Variants in ROBO1 observed in about 807,000 individuals in gnomAD.
The protein encoded by ROBO1 is roundabout guidance receptor 1.
In ROBO1, 149 loss-of-function variants were observed where a neutral mutation model predicts 195.9. The observed-to-expected ratio is 0.76, with a 90% CI of 0.67 to 0.87. ROBO1 has a LOEUF of 0.87. Among genes scored for constraint, ROBO1 ranks in the 40% least tolerant of loss-of-function variants. ROBO1 has a pLI of 0.00. For synonymous variants in ROBO1, 816 were observed against 733.2 expected, an observed-to-expected ratio of 1.11 and a Z score of -1.82; for missense variants, 1,933 against 2,068.3, an observed-to-expected ratio of 0.93 and a Z score of 1.27.
intron 2 of ROBO1, among the ~76,000 whole-genome samples, chr3:79,294,918 G>C (rs1377448050): frequency 6.6e-6 from 1 of 152,204 alleles, no homozygotes; most frequent in Non-Finnish European, 1.5e-5. Context: ...ACGCCAGTTA[G>C]AATGGCGATC....
chr3:79,116,399 T>C, intron 3 of ROBO1, among the ~76,000 whole-genome samples: 1 of 150,542 alleles, frequency 6.6e-6, no homozygotes, highest in Non-Finnish European at 1.5e-5. Flanking sequence ...CCTTCCTTCC[T>C]TGCTTCCTTC....
intron 1 of ROBO1, among the ~76,000 whole-genome samples, chr3:79,705,207 A>T (rs1012620283): frequency 6.6e-6 from 1 of 152,008 alleles, no homozygotes; most frequent in Non-Finnish European, 1.5e-5. Context: ...AATCCAGCTT[A>T]TCAATTCTTT....
intron 3 of ROBO1, among the ~76,000 whole-genome samples, chr3:79,123,779 T>C (rs1284432804): frequency 6.6e-6 from 1 of 152,030 alleles, no homozygotes; most frequent in Non-Finnish European, 1.5e-5. Context: ...TTTCCTCATG[T>C]TAATTTATCT....
At chr3:79,140,116 A>G (rs990731197) in intron 2 of ROBO1, among the ~76,000 whole-genome samples, 5 of 152,258 alleles carry the variant, frequency 3.3e-5, no homozygotes. Flanking sequence ...GATCTTAAGT[A>G]AAAACTGAGA....
chr3:79,107,127 T>TCACA (rs369021063), intron 3 of ROBO1, among the ~76,000 whole-genome samples: 5,905 of 136,436 alleles, frequency 0.043, 209 homozygotes, highest in African/African-American at 0.095. Flanking sequence ...TCTCTCTCTC[T>TCACA]CACACACACA....
chr3:79,089,957 TAA>T (rs2079446375), intron 3 of ROBO1, among the ~76,000 whole-genome samples: 1 of 151,696 alleles, frequency 6.6e-6, no homozygotes, highest in African/African-American at 2.4e-5. Context: ...TTTTTTTTTT[TAA>T]GACGGAGTCT....
At chr3:79,333,205 T>TAA (rs72117935) in intron 2 of ROBO1, among the ~76,000 whole-genome samples, 28 of 130,310 alleles carry the variant, frequency 2.1e-4, no homozygotes, top group African/African-American at 6.2e-4. Flanking sequence ...AGACTCTGTC[T>TAA]AAAAAAAAAA....
At chr3:79,136,527 A>C (rs1182585273) in intron 2 of ROBO1, among the ~76,000 whole-genome samples, 1 of 152,154 alleles carries the variant, frequency 6.6e-6, no homozygotes, top group East Asian at 1.9e-4. Flanking sequence ...TACAAATTGG[A>C]TCAATTCTCA....
At chr3:79,713,352 G>A (rs544681336) in intron 1 of ROBO1, among the ~76,000 whole-genome samples, 129 of 152,118 alleles carry the variant, frequency 8.5e-4, no homozygotes, top group African/African-American at 3.1e-3. Flanking sequence ...ATGTGGGCAA[G>A]GTAAATTGAA....
In ROBO1 at chr3:79,319,326, G is replaced by A. The variant is rs1174645121; in HGVS notation, c.89-193787C>T. On this transcript the variant is annotated intron_variant, in intron 2 of 30. Coordinates refer to ENST00000464233, the MANE Select transcript of ROBO1 (RefSeq NM_002941.4). ...CCCTGATAATATTGATTAACATATTGTCTTAAATATTGTCTTAAATATGTT... is the reference window on the plus strand; with the variant it reads ...CCCTGATAATATTGATTAACATATTATCTTAAATATTGTCTTAAATATGTT... 3.3e-5 allele frequency among the ~76,000 whole-genome samples: 5 copies of A among 152,124 alleles called. No homozygotes were observed. In the South Asian group the frequency reaches 8.3e-4, roughly 25 times the overall value.
At chr3:78,693,221 C>G (rs1355329476) in intron 8 of ROBO1, 1 of 1,283,422 alleles carries the variant, frequency 7.8e-7, no homozygotes, top group Admixed American at 2.6e-5. Context: ...TCTTTGTGGC[C>G]AATGACAAGT....
rs567568668 is a variant in ROBO1, at chr3:79,691,339, ACT to A, written c.-51+76411_-51+76412del. 3.3e-5 allele frequency among the ~76,000 whole-genome samples: 5 copies of A among 151,750 alleles called. 1 individual carries two copies. In the South Asian group the frequency reaches 8.3e-4, roughly 25 times the overall value. Reference sequence around the variant, plus strand: ...CAAAGAAGAAAAAGCAAGAAGACTAACTCTTCAAAATTTATGAGAGAAACAAT... The same window carrying A: ...CAAAGAAGAAAAAGCAAGAAGACTAACTTCAAAATTTATGAGAGAAACAAT... On this transcript the variant is annotated intron_variant, in intron 1 of 30. Transcript: ENST00000464233.
At chr3:79,603,392 C>T (rs1018802126) in intron 1 of ROBO1, among the ~76,000 whole-genome samples, 1 of 151,956 alleles carries the variant, frequency 6.6e-6, no homozygotes, top group Non-Finnish European at 1.5e-5. Flanking sequence ...AACAATACCC[C>T]CCACAGCCCT....
intron 2 of ROBO1, among the ~76,000 whole-genome samples, chr3:79,214,744 A>G (rs994069245): frequency 2.0e-5 from 3 of 148,654 alleles, no homozygotes; most frequent in African/African-American, 7.3e-5. Flanking sequence ...ATATATATAT[A>G]TAGCATGTAT....
chr3:79,003,051 T>A (rs2077541167), intron 3 of ROBO1, among the ~76,000 whole-genome samples: 1 of 152,200 alleles, frequency 6.6e-6, no homozygotes, highest in Admixed American at 6.5e-5. Flanking sequence ...GTAAATCTCT[T>A]AATCCTCTTA....
intron 2 of ROBO1, among the ~76,000 whole-genome samples, chr3:79,390,315 A>C (rs902676018): frequency 9.9e-5 from 15 of 152,092 alleles, no homozygotes; most frequent in Non-Finnish European, 1.9e-4. Context: ...AGGAAAAAAA[A>C]ATCCAGAGCT....
At chr3:79,386,581 T>C (rs1559862741) in intron 2 of ROBO1, among the ~76,000 whole-genome samples, 1 of 152,086 alleles carries the variant, frequency 6.6e-6, no homozygotes, top group African/African-American at 2.4e-5. Context: ...ACATTGCAGT[T>C]GACAGGGCAT....
chr3:79,368,649 G>A (rs546918453), intron 2 of ROBO1, among the ~76,000 whole-genome samples: 4 of 152,198 alleles, frequency 2.6e-5, no homozygotes, highest in African/African-American at 4.8e-5. Context: ...TCCACTTCAC[G>A]TTCTTCCCTC....
At chr3:79,071,680 G>T (rs1432668455) in intron 3 of ROBO1, among the ~76,000 whole-genome samples, 3 of 150,348 alleles carry the variant, frequency 2.0e-5, no homozygotes, top group African/African-American at 7.3e-5. Flanking sequence ...CCTTATATAA[G>T]TAAATTTGTA....
Sources: allele counts gnomAD v4.1 joint callset (sites outside exome capture counted in the v4.1 genomes callset), GRCh38; gene constraint gnomAD v4.1.1; transcripts MANE v1.5; gene names NCBI Gene and HGNC (gene_info 2026-07-23, HGNC 2026-07-21).